The following EPS15L1 variants were observed in gnomAD, a reference collection of about 807,000 sequenced individuals.
EPS15L1 encodes epidermal growth factor receptor pathway substrate 15 like 1, also known as epidermal growth factor receptor substrate 15-like 1.
Under a neutral mutation model 117.1 loss-of-function variants are expected in EPS15L1, and 43 were observed. The observed-to-expected ratio is 0.37, with a 90% CI of 0.29 to 0.47. EPS15L1 has a LOEUF of 0.47. Among genes scored for constraint, EPS15L1 ranks in the 20% least tolerant of loss-of-function variants. EPS15L1 has a pLI of 0.99. For missense variants in EPS15L1, 981 were observed against 1,164.0 expected, an observed-to-expected ratio of 0.84 and a Z score of 2.29; for synonymous variants, 459 against 470.5, an observed-to-expected ratio of 0.98 and a Z score of 0.32.
intron 22 of EPS15L1, among the ~76,000 whole-genome samples, chr19:16,367,735 C>T (rs77300211): frequency 0.011 from 875 of 82,000 alleles, 4 homozygotes; most frequent in Non-Finnish European, 0.015. Flanking sequence ...AAAGCATCCT[C>T]AAGAGCTGGG....
chr19:16,423,626 T>C (rs2092838972), intron 9 of EPS15L1, among the ~76,000 whole-genome samples: 1 of 152,148 alleles, frequency 6.6e-6, no homozygotes, highest in Admixed American at 6.5e-5. Flanking sequence ...AGAGTTCAGA[T>C]GGCAAGAGCA....
intron 1 of EPS15L1, among the ~76,000 whole-genome samples, chr19:16,459,011 C>T (rs1221807770): frequency 6.6e-6 from 1 of 152,240 alleles, no homozygotes; most frequent in Non-Finnish European, 1.5e-5. Flanking sequence ...CTATTACTCC[C>T]AGGCTACAAA....
chr19:16,440,795 G>A (rs745893514), intron 4 of EPS15L1, 67 bp downstream of exon 4: 75 of 1,439,446 alleles, frequency 5.2e-5, no homozygotes, highest in East Asian at 1.4e-4. Context: ...GGAAGGAGCC[G>A]TGGAGGTCAC....
intron 6 of EPS15L1, among the ~76,000 whole-genome samples, chr19:16,435,503 C>T (rs1245461222): frequency 1.3e-5 from 2 of 152,174 alleles, no homozygotes; most frequent in Non-Finnish European, 2.9e-5. Context: ...GTAAATGTTA[C>T]ATGATGTGTC....
chr19:16,401,207 C>T (rs940120010), intron 16 of EPS15L1: 20 of 985,316 alleles, frequency 2.0e-5, no homozygotes, highest in South Asian at 9.4e-5. Context: ...GTGCACCCAG[C>T]GGGGGCCAGA....
chr19:16,461,878 T>G (rs991839741), intron 1 of EPS15L1, among the ~76,000 whole-genome samples: 1 of 152,210 alleles, frequency 6.6e-6, no homozygotes, highest in Non-Finnish European at 1.5e-5. Flanking sequence ...TTCTGTCAAC[T>G]ACCCTCAAAG....
At position 16,471,744 on chromosome 19, in the gene EPS15L1, T is replaced by C. The variant is rs866518104; in HGVS notation, c.33+169A>G. Among the ~76,000 whole-genome samples the C allele has an allele frequency of 5.6e-4, 85 of 151,388 alleles. No individual in the cohort carries two copies. Among genetic ancestry groups the C allele is most frequent in the Middle Eastern group, 6.8e-3 (2 of 292 alleles). On this transcript the variant is annotated intron_variant, in intron 1 of 23. Coordinates refer to ENST00000455140, the MANE Select transcript of EPS15L1 (RefSeq NM_001258374.3). This position sits in a 1 kb window ranked among gnomAD's most constrained non-coding sequence, Gnocchi z 4.8. ...TCGCTCGGGCACGGGAGGCCGCGGG[T>C]CCCGGCCTGTCACCTTCAGGGCCGC...
At position 16,421,463 on chromosome 19, in the gene EPS15L1, C is replaced by T. The variant is rs2092813078; in HGVS notation, c.806G>A (p.Trp269Ter). 6.2e-7 allele frequency: 1 copy of T among 1,612,750 alleles called. No individual in the cohort carries two copies. The change falls in exon 10 of 24, where the codon TGG becomes TAG. Residue 269 changes from tryptophan to a stop codon, truncating the protein, a stop_gained. Coordinates refer to ENST00000455140, the MANE Select transcript of EPS15L1 (RefSeq NM_001258374.3). LOFTEE classifies it high-confidence loss of function. ...SLKQTQPTVN[W>*]VVPVADKMRF... ...CATCTTGTCTGCCACGGGCACCACC[C>T]AGTTCACTGTTGGCTGAAACAGTTT...
At chr19:16,402,188 CA>C (rs889994307) in intron 16 of EPS15L1, 132 bp downstream of exon 16, 4 of 1,462,458 alleles carry the variant, frequency 2.7e-6, no homozygotes, top group African/African-American at 2.9e-5. Context: ...AAAGTGGCAG[CA>C]AAAACAACAG....
chr19:16,442,746 C>T (rs1599658181), intron 1 of EPS15L1, among the ~76,000 whole-genome samples: 1 of 152,230 alleles, frequency 6.6e-6, no homozygotes, highest in Non-Finnish European at 1.5e-5. Context: ...AGCCCGCGCC[C>T]GGAGAGCGCT....
In EPS15L1 at chr19:16,417,552, C is replaced by G. The variant is rs2092770471; in HGVS notation, c.1193G>C (p.Arg398Thr). Residue 398 changes from arginine to threonine, a missense_variant and splice_region_variant, in exon 12 of 24, where the codon AGA becomes ACA. By Grantham distance (71) the Arg-to-Thr change is moderately conservative (BLOSUM62 -1). This residue lies in a region of EPS15L1 where 819 missense variants were observed against 949.0 expected (regional missense o/e 0.86). Coordinates refer to ENST00000455140, the MANE Select transcript of EPS15L1 (RefSeq NM_001258374.3). ...GAGGGAAGGGCCGTTTCCAACATAC[C>G]TTTGTAACTGGGCAATCTCTTGACT... is the stretch of plus-strand genomic sequence containing the variant. ...DISQEIAQLQ[R>T]EKYSLEQDIR... 6.2e-7 allele frequency: 1 copy of G among 1,613,616 alleles called. No homozygotes were observed. Among genetic ancestry groups the G allele is most frequent in the Non-Finnish European group, 8.5e-7 (1 of 1,179,578 alleles).
At chr19:16,393,576 G>A (rs2092505361) in intron 18 of EPS15L1, among the ~76,000 whole-genome samples, 1 of 150,414 alleles carries the variant, frequency 6.6e-6, no homozygotes, top group Non-Finnish European at 1.5e-5. Context: ...GTGAACCCGG[G>A]AGGCGGAGCT....
intron 22 of EPS15L1, among the ~76,000 whole-genome samples, chr19:16,373,826 A>G (rs59033629): frequency 0.058 from 8,857 of 152,282 alleles, 299 homozygotes; most frequent in African/African-American, 0.067. Context: ...GGGTCAACTC[A>G]GTGTTTGGAC....
intron 20 of EPS15L1, among the ~76,000 whole-genome samples, chr19:16,385,792 G>T (rs1599558761): frequency 6.6e-6 from 1 of 152,208 alleles, no homozygotes; most frequent in African/African-American, 2.4e-5. Context: ...GTGAGATGAG[G>T]TTCCTTCAAA....
intron 9 of EPS15L1, among the ~76,000 whole-genome samples, chr19:16,423,168 A>AAACAAGGGATACCAT (rs2092834733): frequency 6.6e-6 from 1 of 152,180 alleles, no homozygotes; most frequent in Admixed American, 6.5e-5. Flanking sequence ...CAAGCTTGGG[A>AAACAAGGGATACCAT]AACAAGGGAT....
At chr19:16,423,580 A>T (rs200648211) in intron 9 of EPS15L1, among the ~76,000 whole-genome samples, 20 of 140,616 alleles carry the variant, frequency 1.4e-4, no homozygotes, top group Admixed American at 2.4e-4. Context: ...TTATATATTT[A>T]AAAAAAAAAA....
rs1396680391 is a variant in EPS15L1, at chr19:16,418,422, G to A, written c.951-318C>T. 3.9e-5 allele frequency among the ~76,000 whole-genome samples: 6 copies of A among 152,210 alleles called. 1 individual carries two copies. The East Asian group carries it at 5.8e-4, about 15-fold the overall frequency. ...GCTGCCTCTTCCTTTGGCTTATCTC[G>A]TGCGTGGGGCAGGCTCTGATGCTGC... On this transcript the variant is annotated intron_variant, in intron 10 of 23. Coordinates refer to ENST00000455140, the MANE Select transcript of EPS15L1 (RefSeq NM_001258374.3).
chr19:16,452,309 G>A (rs1458553818), intron 1 of EPS15L1, among the ~76,000 whole-genome samples: 1 of 152,012 alleles, frequency 6.6e-6, no homozygotes, highest in Non-Finnish European at 1.5e-5. Context: ...AGCCAAGCGT[G>A]GTGGCAGGCA....
chr19:16,389,496 A>G (rs556457202), intron 19 of EPS15L1, among the ~76,000 whole-genome samples: 26 of 152,322 alleles, frequency 1.7e-4, no homozygotes, highest in Admixed American at 1.4e-3. Flanking sequence ...GACCTGAGCT[A>G]TAAGAAGTGC....
Sources: allele counts gnomAD v4.1 joint callset (sites outside exome capture counted in the v4.1 genomes callset), GRCh38; gene constraint gnomAD v4.1.1; regional missense constraint gnomAD v4.1.1; non-coding constraint Gnocchi (gnomAD v3.1); transcripts MANE v1.5; gene names NCBI Gene and HGNC (gene_info 2026-07-23, HGNC 2026-07-21).